Variants in MTAP observed in about 807,000 individuals in gnomAD.
MTAP encodes S-methyl-5'-thioadenosine phosphorylase.
Under a neutral mutation model 33.6 loss-of-function variants are expected in MTAP, and 33 were observed. The observed-to-expected ratio is 0.98, with a 90% CI of 0.74 to 1.31. The LOEUF is 1.31. Among genes scored for constraint, MTAP ranks in the 40% most tolerant of loss-of-function variants. The pLI is 0.00. For synonymous variants in MTAP, 148 were observed against 125.7 expected (o/e 1.18, Z -1.19); for missense variants, 367 against 360.0 (o/e 1.02, Z -0.16).
chr9:21,912,556 G>A (rs1212822931), intron 1 of MTAP, among the ~76,000 whole-genome samples: 1 of 152,150 alleles, frequency 6.6e-6, no homozygotes, highest in Non-Finnish European at 1.5e-5. Context: ...AATAGATGCA[G>A]AAAAGACCTT....
downstream of MTAP, chr9:21,933,959 T>A (rs1431122810): frequency 6.6e-6 from 1 of 152,252 alleles, no homozygotes; most frequent in Non-Finnish European, 1.5e-5. Flanking sequence ...TTCAAGTTGA[T>A]ATTGTTAAAA....
intron 1 of MTAP, among the ~76,000 whole-genome samples, chr9:21,889,050 C>G (rs1468253856): frequency 1.3e-5 from 2 of 152,140 alleles, no homozygotes; most frequent in African/African-American, 4.8e-5. Context: ...GGGAAATTTT[C>G]TTTGATTATT....
intron 4 of MTAP, among the ~76,000 whole-genome samples, chr9:21,823,951 G>T (rs113206166): frequency 0.012 from 1,892 of 152,284 alleles, 32 homozygotes; most frequent in African/African-American, 0.043. Context: ...ATGGTTTTCA[G>T]CTCCATCAGG....
chr9:21,862,067 G>A lies in MTAP; in HGVS notation c.*53G>A. On this transcript the variant is annotated 3_prime_UTR_variant, in exon 8 of 8. Transcript: ENST00000644715. ...AGACATTCTAATTCCAGTCATTTTG[G>A]GAATTCCTGCTTAACTTGAAAAAAA... The A allele has an allele frequency of 2.5e-6, 4 of 1,608,266 alleles. No homozygotes were observed. Among genetic ancestry groups the A allele is most frequent in the Non-Finnish European group, 3.4e-6 (4 of 1,178,106 alleles).
chr9:21,890,699 CCTT>C (rs1481584025), intron 1 of MTAP, among the ~76,000 whole-genome samples: 2 of 152,224 alleles, frequency 1.3e-5, no homozygotes, highest in Admixed American at 6.5e-5. Flanking sequence ...AAGGTTAAAT[CCTT>C]CTTCTGTGAT....
chr9:21,848,764 T>G (rs1825440416), intron 5 of MTAP, among the ~76,000 whole-genome samples: 1 of 152,164 alleles, frequency 6.6e-6, no homozygotes, highest in South Asian at 2.1e-4. Context: ...GTATGTCAGA[T>G]CTAACTGTGG....
chr9:21,929,247 C>G lies in MTAP; in HGVS notation c.148-1761C>G, dbSNP rs529601688. ...AATACACTTGTGAGGCACTGGAAGA[C>G]CTGAAATTCCTCTTTTAGTGAAAAC... On this transcript the variant is annotated intron_variant, in intron 1 of 1. Coordinates refer to the MTAP transcript ENST00000577563. 1.0e-3 allele frequency among the ~76,000 whole-genome samples: 156 copies of G among 152,278 alleles called. 1 individual carries two copies. Among genetic ancestry groups the G allele is most frequent in the Non-Finnish European group, 1.5e-3 (104 of 68,022 alleles).
At chr9:21,909,475 T>A (rs1192898166) in intron 1 of MTAP, among the ~76,000 whole-genome samples, 2 of 152,162 alleles carry the variant, frequency 1.3e-5, no homozygotes, top group East Asian at 3.8e-4. Flanking sequence ...TTGGGCATTC[T>A]CAAATTTAAT....
downstream of MTAP, among the ~76,000 whole-genome samples, chr9:21,868,182 C>T (rs1181647516): frequency 6.6e-6 from 1 of 152,092 alleles, no homozygotes; most frequent in South Asian, 2.1e-4. Flanking sequence ...GGCAACTGTT[C>T]CTTTAATTGA....
At position 21,928,615 on chromosome 9, in the gene MTAP, T is replaced by C. The variant is rs77144116; in HGVS notation, c.148-2393T>C. 1.1e-4 allele frequency among the ~76,000 whole-genome samples: 17 copies of C among 152,260 alleles called. 1 individual carries two copies. The highest frequency in any genetic ancestry group is 4.1e-4 in the African/African-American group (17 of 41,566). On this transcript the variant is annotated intron_variant, in intron 1 of 1. Coordinates refer to the MTAP transcript ENST00000577563. ...CAGAGTGACAGTGATTCATCTTTTTTTCCCCAAGTAACTTAACAGGTTAGT... is the reference window on the plus strand; with the variant it reads ...CAGAGTGACAGTGATTCATCTTTTTCTCCCCAAGTAACTTAACAGGTTAGT...
At chr9:21,811,998 C>G in intron 1 of MTAP, 1 of 291,242 alleles carries the variant, frequency 3.4e-6, no homozygotes, top group South Asian at 3.5e-5. Flanking sequence ...GGACATGTGG[C>G]CCCTGAACAT....
chr9:21,896,209 C>A (rs993364035), intron 1 of MTAP, among the ~76,000 whole-genome samples: 3 of 152,032 alleles, frequency 2.0e-5, no homozygotes, highest in Non-Finnish European at 2.9e-5. Flanking sequence ...TCCTTTGAAA[C>A]CAATGAGAAA....
intron 1 of MTAP, among the ~76,000 whole-genome samples, chr9:21,895,704 G>A (rs556480049): frequency 3.3e-5 from 5 of 152,316 alleles, no homozygotes; most frequent in South Asian, 2.1e-4. Flanking sequence ...ACAGAGCCTC[G>A]CTCACTGCTA....
chr9:21,824,898 G>C (rs777088514), intron 4 of MTAP, among the ~76,000 whole-genome samples: 5 of 152,230 alleles, frequency 3.3e-5, no homozygotes, highest in Non-Finnish European at 7.3e-5. Context: ...GACCCTCCGA[G>C]CTATGCACGG....
At chr9:21,810,744 A>C (rs1824324614) in intron 1 of MTAP, among the ~76,000 whole-genome samples, 1 of 152,218 alleles carries the variant, frequency 6.6e-6, no homozygotes, top group Non-Finnish European at 1.5e-5. Context: ...TCACATTCTG[A>C]GGTACTGAGA....
chr9:21,808,421 CAA>C lies in MTAP; in HGVS notation c.33+5651_33+5652del, dbSNP rs55707328. Among the ~76,000 whole-genome samples the C allele has an allele frequency of 9.5e-3, 1,365 of 143,538 alleles. 33 individuals carry two copies. Among genetic ancestry groups the C allele is most frequent in the African/African-American group, 0.032 (1,272 of 40,374 alleles). The allele number at this position is 143,538 out of a possible 152,430, so 94.2% of individuals were successfully genotyped here. ...GCAGCATGGTGAAACCTCATCTCTG[CAA>C]AAAAAAAAAACAAAAAAATTAGCCA... On this transcript the variant is annotated intron_variant, in intron 1 of 7. Transcript: ENST00000644715.
downstream of MTAP, among the ~76,000 whole-genome samples, chr9:21,871,294 G>A (rs78634542): frequency 0.016 from 2,503 of 152,126 alleles, 66 homozygotes; most frequent in African/African-American, 0.056. Context: ...TGATGTATTA[G>A]CACAACTCTT....
intron 4 of MTAP, among the ~76,000 whole-genome samples, chr9:21,837,189 G>A (rs935337275): frequency 3.7e-4 from 57 of 152,228 alleles, no homozygotes; most frequent in African/African-American, 1.3e-3. Flanking sequence ...AATTAATTAC[G>A]GCTGGGAAAA....
Position 21,922,767 on chromosome 9 carries a change from G to C in MTAP, c.148-8241G>C, listed in dbSNP as rs73649999. On this transcript the variant is annotated intron_variant, in intron 1 of 1. Transcript: ENST00000577563. The surrounding 1 kb of genome is among the most constrained non-coding windows in gnomAD (Gnocchi z 4.8). ...TCTCAGCCACAGTGGCTCTGCACCC[G>C]CTGGCTGATCTCTCAGCTTACCCTG... is the stretch of plus-strand genomic sequence containing the variant. Among the ~76,000 whole-genome samples the C allele has an allele frequency of 0.11, 16,530 of 152,026 alleles. 2,883 individuals carry two copies. Among genetic ancestry groups the C allele is most frequent in the African/African-American group, 0.37 (15,353 of 41,386 alleles).
Sources: allele counts gnomAD v4.1 joint callset (sites outside exome capture counted in the v4.1 genomes callset), GRCh38; gene constraint gnomAD v4.1.1; non-coding constraint Gnocchi (gnomAD v3.1); transcripts MANE v1.5; gene names NCBI Gene and HGNC (gene_info 2026-07-23, HGNC 2026-07-21).